CNGB1: variants seen among roughly 807,000 people sequenced by gnomAD.
The protein encoded by CNGB1 is cyclic nucleotide gated channel subunit beta 1, also known as cyclic nucleotide-gated channel beta-1.
In CNGB1, 126 loss-of-function variants were observed where a neutral mutation model predicts 151.7. That is an observed-to-expected ratio of 0.83 (90% CI 0.72 to 0.96). The LOEUF (loss-of-function observed/expected upper bound fraction) is 0.96. Ranked by LOEUF, CNGB1 falls within the 40% of genes least tolerant of loss-of-function variation. The pLI is 0.00. For missense variants in CNGB1, 1,698 were observed against 1,627.0 expected (o/e 1.04, Z -0.75); for synonymous variants, 623 against 635.1 (o/e 0.98, Z 0.29).
At position 57,897,490 on chromosome 16, in the gene CNGB1, C is replaced by G. The variant is rs1404175536; in HGVS notation, c.3149G>C (p.Gly1050Ala). ...ATCCAGGATGAAGAGGTTGGTAAAC[C>G]CGTGCGCCACCACGTTGGCCGTGCG... ...NRRTANVVAHGFTNLFILDKK... is the reference protein window; with the variant it reads ...NRRTANVVAHAFTNLFILDKK... The change falls in exon 31 of 33, where the codon GGG (glycine) becomes GCG (alanine). Residue 1050 changes from glycine (G) to alanine (A), a missense_variant. Gly to Ala is a moderately conservative substitution (Grantham distance 60, BLOSUM62 0). Transcript: ENST00000251102. 2 of 1,614,030 alleles carry G rather than the reference C, an allele frequency of 1.2e-6. No individual in the cohort carries two copies. Among genetic ancestry groups the G allele is most frequent in the East Asian group, 2.2e-5 (1 of 44,874 alleles).
chr16:57,969,453 C>G (rs1003305448), intron 1 of CNGB1, among the ~76,000 whole-genome samples: 1 of 152,042 alleles, frequency 6.6e-6, no homozygotes, highest in South Asian at 2.1e-4. Flanking sequence ...CCTGTCTCTA[C>G]CAAAAATACA....
intron 16 of CNGB1, among the ~76,000 whole-genome samples, chr16:57,935,349 AAG>A (rs1961479575): frequency 6.6e-6 from 1 of 152,228 alleles, no homozygotes; most frequent in African/African-American, 2.4e-5. Flanking sequence ...TTAAATAAAA[AAG>A]AGAATCCACT....
At chr16:57,892,754 T>C (rs1960127445) in intron 31 of CNGB1, among the ~76,000 whole-genome samples, 1 of 152,172 alleles carries the variant, frequency 6.6e-6, no homozygotes, top group South Asian at 2.1e-4. Context: ...CCCCAGGGCC[T>C]CTGCACATGC....
chr16:57,899,773 AAGGT>A (rs1960336617), intron 29 of CNGB1, among the ~76,000 whole-genome samples: 1 of 152,188 alleles, frequency 6.6e-6, no homozygotes, highest in Non-Finnish European at 1.5e-5. Flanking sequence ...CCTTAACAAA[AAGGT>A]AGAGAGGTTT....
chr16:57,918,208 C>T (rs1156288337), intron 20 of CNGB1, among the ~76,000 whole-genome samples: 1 of 151,920 alleles, frequency 6.6e-6, no homozygotes, highest in Non-Finnish European at 1.5e-5. Flanking sequence ...CTCCTGGGCT[C>T]AAGCAGTTCT....
At chr16:57,932,559 C>T (rs1237750802) in intron 16 of CNGB1, among the ~76,000 whole-genome samples, 2 of 151,592 alleles carry the variant, frequency 1.3e-5, no homozygotes, top group Admixed American at 6.6e-5. Flanking sequence ...CCCGCCACCA[C>T]GCCCGGCTAG....
At chr16:57,890,875 T>G (rs1190343839) in intron 31 of CNGB1, among the ~76,000 whole-genome samples, 1 of 152,202 alleles carries the variant, frequency 6.6e-6, no homozygotes, top group Non-Finnish European at 1.5e-5. Context: ...AAACAACCAC[T>G]CTGATGACTC....
chr16:57,967,411 C>T (rs758014292), intron 1 of CNGB1, 117 bp from the exon 2 acceptor site: 204 of 1,086,844 alleles, frequency 1.9e-4, no homozygotes, highest in East Asian at 5.1e-4. Flanking sequence ...AAAAACATTT[C>T]GACTGGGTGC....
At chr16:57,943,445 G>T (rs190569003) in intron 14 of CNGB1, among the ~76,000 whole-genome samples, 1 of 152,162 alleles carries the variant, frequency 6.6e-6, no homozygotes, top group East Asian at 1.9e-4. Context: ...GCCGAGGTGG[G>T]TGGATCATGA....
At position 57,949,338 on chromosome 16, in the gene CNGB1, G is replaced by A. The variant is rs181122498; in HGVS notation, c.1121+15C>T. On this transcript the variant is annotated intron_variant, in intron 14 of 32. Transcript: ENST00000251102. ...GCCCCAGGGCCGTTCCCAGACAGGT[G>A]AGCAAATGACTTACTCAGTCACCTC... The A allele has an allele frequency of 5.6e-6, 9 of 1,607,620 alleles. No individual in the cohort carries two copies. The Admixed American group carries it at 8.3e-5, about 15-fold the overall frequency.
intron 10 of CNGB1, 110 bp downstream of exon 10, chr16:57,959,778 C>A: frequency 7.4e-7 from 1 of 1,344,566 alleles, no homozygotes; most frequent in Non-Finnish European, 9.8e-7. Context: ...AAGGAGGCTG[C>A]ACACATCCAG....
At chr16:57,901,682 C>T (rs867775057) in intron 27 of CNGB1, 57 bp from the exon 28 acceptor site, 1 of 1,442,392 alleles carries the variant, frequency 6.9e-7, no homozygotes. Context: ...CCCAGACATA[C>T]ATACCGGCCA....
chr16:57,918,906 G>A (rs552254791), intron 20 of CNGB1, among the ~76,000 whole-genome samples, 193 bp downstream of exon 20: 1 of 152,136 alleles, frequency 6.6e-6, no homozygotes, highest in African/African-American at 2.4e-5. Context: ...CGTCATGTTA[G>A]CCAGGCTGGG....
Position 57,964,050 on chromosome 16 carries a change from C to T in CNGB1, c.290+80G>A, listed in dbSNP as rs755211310. ...AGCTAAGGGCAGTGCCCATCCCCAC[C>T]CCCATCCCCAGGGCTCCCTAGCTGG... is the stretch of plus-strand genomic sequence containing the variant. On this transcript the variant is annotated intron_variant, in intron 4 of 32. Coordinates refer to ENST00000251102, the MANE Select transcript of CNGB1 (RefSeq NM_001297.5). 918 of 1,364,000 alleles carry T rather than the reference C, an allele frequency of 6.7e-4. 1 individual carries two copies. Among genetic ancestry groups the T allele is most frequent in the Non-Finnish European group, 8.8e-4 (850 of 962,868 alleles). 84.5% of individuals were successfully genotyped at this position (1,364,000 alleles called of 1,614,324 possible). A position where few individuals can be genotyped will look rare whatever the true frequency, so the allele number is the denominator to read the frequency against.
chr16:57,893,349 T>A (rs1366098546), intron 31 of CNGB1, among the ~76,000 whole-genome samples: 3 of 152,122 alleles, frequency 2.0e-5, no homozygotes, highest in Admixed American at 6.5e-5. Flanking sequence ...CTTAAATATT[T>A]GGGCTGAAAT....
chr16:57,950,656 T>G lies in CNGB1; in HGVS notation c.875-116A>C, dbSNP rs562555444. ...CTGTCGCCAGCAGTGCCTCAGTGCT[T>G]AGTCATGCAGTGGGGAAATGGCACT... On this transcript the variant is annotated intron_variant, in intron 12 of 32. Transcript: ENST00000251102. The G allele has an allele frequency of 2.3e-5, 25 of 1,068,218 alleles. No homozygotes were observed. The African/African-American group carries it at 3.6e-4, about 15-fold the overall frequency. 66.2% of individuals were successfully genotyped at this position (1,068,218 alleles called of 1,614,324 possible).
chr16:57,901,865 A>G (rs1305485071), intron 27 of CNGB1, among the ~76,000 whole-genome samples: 2 of 152,086 alleles, frequency 1.3e-5, no homozygotes, highest in East Asian at 3.9e-4. Context: ...CCCAGCACTA[A>G]TATCACCTCC....
intron 14 of CNGB1, among the ~76,000 whole-genome samples, chr16:57,940,634 G>A (rs941556242): frequency 6.6e-6 from 1 of 152,170 alleles, no homozygotes; most frequent in Non-Finnish European, 1.5e-5. Context: ...GGAGGAAAAG[G>A]TTGTCCAGGA....
At chr16:57,956,662 T>G (rs1388652637) in intron 12 of CNGB1, among the ~76,000 whole-genome samples, 2 of 152,158 alleles carry the variant, frequency 1.3e-5, no homozygotes, top group Non-Finnish European at 2.9e-5. Context: ...GCCCCTGAAC[T>G]CTGCTCACAA....
Sources: gnomAD v4.1 joint callset for allele counts (sites outside exome capture counted in the v4.1 genomes callset) on GRCh38, gnomAD v4.1.1 for gene constraint, MANE v1.5 for transcripts, NCBI Gene and HGNC (gene_info 2026-07-23, HGNC 2026-07-21) for gene names.